EYA1: variants seen among roughly 807,000 people sequenced by gnomAD.
The protein encoded by EYA1 is protein phosphatase EYA1.
EYA1 carries 16 observed loss-of-function variants against 82.0 expected under a neutral mutation model. That is an observed-to-expected ratio of 0.20 (90% CI 0.13 to 0.30). The LOEUF (loss-of-function observed/expected upper bound fraction) is 0.30. EYA1 is among the 10% of genes least tolerant of loss of function. EYA1 has a pLI of 1.00. For missense variants in EYA1, 633 were observed against 730.7 expected, an observed-to-expected ratio of 0.87 and a Z score of 1.54; for synonymous variants, 261 against 264.4, an observed-to-expected ratio of 0.99 and a Z score of 0.12.
At position 71,216,849 on chromosome 8, in the gene EYA1, T is replaced by G. The variant is rs766164199; in HGVS notation, c.1203A>C (p.Thr401=). ...SSDDNGQDLS[T]YNFGTDGFPA... ...GAAAGCCATCTGTTCCAAAGTTATA[T>G]GTGCTATTTATATGCAAGAAAAGCC... Residue 401 remains threonine (T), a synonymous_variant, in exon 14 of 18, where the codon ACA becomes ACC. Transcript: ENST00000340726. The G allele has an allele frequency of 3.1e-6, 5 of 1,614,046 alleles. No individual in the cohort carries two copies. The Admixed American group carries it at 8.3e-5, about 27-fold the overall frequency.
rs891355243 is a variant in EYA1, at chr8:71,198,372, A to G, written c.*968T>C. 2.0e-5 allele frequency: 3 copies of G among 152,618 alleles called. No homozygotes were observed. The highest frequency in any genetic ancestry group is 4.4e-5 in the Non-Finnish European group (3 of 68,030). 9.5% of individuals were successfully genotyped at this position (152,618 alleles called of 1,614,324 possible). ...CCCTCAGAAGAACTGATGCAGGAAAAAATTTTAGAAAACAAAATCCTTACT... is the reference window on the plus strand; with the variant it reads ...CCCTCAGAAGAACTGATGCAGGAAAGAATTTTAGAAAACAAAATCCTTACT... On this transcript the variant is annotated 3_prime_UTR_variant, in exon 18 of 18. Coordinates refer to ENST00000340726, the MANE Select transcript of EYA1 (RefSeq NM_000503.6).
chr8:71,367,071 A>C (rs1254413586), upstream of EYA1, among the ~76,000 whole-genome samples: 1 of 152,200 alleles, frequency 6.6e-6, no homozygotes, highest in Non-Finnish European at 1.5e-5. Flanking sequence ...AAAATCCTTG[A>C]ACTTGAAGTG....
At chr8:71,444,528 C>A (rs1806699815) in intron 2 of EYA1, among the ~76,000 whole-genome samples, 1 of 152,112 alleles carries the variant, frequency 6.6e-6, no homozygotes, top group Non-Finnish European at 1.5e-5. Context: ...AGGATTTAGT[C>A]AACTAAGTCA....
At chr8:71,312,601 C>T (rs994846381) in intron 7 of EYA1, among the ~76,000 whole-genome samples, 5 of 152,156 alleles carry the variant, frequency 3.3e-5, no homozygotes, top group African/African-American at 1.2e-4. Flanking sequence ...TTACACCTGG[C>T]TAATTTTTGT....
intron 2 of EYA1, among the ~76,000 whole-genome samples, chr8:71,435,495 G>T (rs753290381): frequency 6.6e-6 from 1 of 151,652 alleles, no homozygotes; most frequent in Non-Finnish European, 1.5e-5. Context: ...GTTTGTCTTC[G>T]GGATAAAAAT....
chr8:71,375,521 A>C (rs1210264148), intron 2 of EYA1, among the ~76,000 whole-genome samples: 3 of 152,186 alleles, frequency 2.0e-5, no homozygotes, highest in Non-Finnish European at 4.4e-5. Flanking sequence ...AAAACATGAA[A>C]GATCAATAAA....
chr8:71,452,623 T>A (rs948680100), intron 2 of EYA1, among the ~76,000 whole-genome samples: 1 of 152,180 alleles, frequency 6.6e-6, no homozygotes, highest in Non-Finnish European at 1.5e-5. Flanking sequence ...ATATTCGCTG[T>A]TCTGCAGCCT....
At chr8:71,208,296 G>A (rs140448987) in intron 17 of EYA1, among the ~76,000 whole-genome samples, 1 of 152,094 alleles carries the variant, frequency 6.6e-6, no homozygotes, top group Non-Finnish European at 1.5e-5. Flanking sequence ...GCCAGGCATC[G>A]TGGCACATGC....
intron 2 of EYA1, among the ~76,000 whole-genome samples, chr8:71,392,262 C>T (rs1829320256): frequency 6.6e-6 from 1 of 152,150 alleles, no homozygotes; most frequent in Admixed American, 6.6e-5. Context: ...GACTTTACCC[C>T]CGCACCCTTT....
intron 2 of EYA1, among the ~76,000 whole-genome samples, chr8:71,507,214 G>A (rs929443976): frequency 1.3e-5 from 2 of 152,106 alleles, no homozygotes; most frequent in African/African-American, 4.8e-5. Context: ...GGACATTAGA[G>A]ACACCAAAAG....
intron 12 of EYA1, among the ~76,000 whole-genome samples, chr8:71,217,994 G>A (rs1331201321): frequency 6.6e-6 from 1 of 152,092 alleles, no homozygotes; most frequent in Non-Finnish European, 1.5e-5. Flanking sequence ...ATATTAATTT[G>A]GAGGCAGACA....
chr8:71,438,243 C>G (rs923319155), intron 2 of EYA1, among the ~76,000 whole-genome samples: 1 of 151,994 alleles, frequency 6.6e-6, no homozygotes, highest in African/African-American at 2.4e-5. Context: ...TGCAATTACT[C>G]TGGTGTGCTA....
At chr8:71,233,002 T>C (rs1053390171) in intron 12 of EYA1, among the ~76,000 whole-genome samples, 35 of 152,290 alleles carry the variant, frequency 2.3e-4, no homozygotes, top group African/African-American at 5.5e-4. Flanking sequence ...AGATGGGAAA[T>C]TGAGGCATAA....
intron 2 of EYA1, among the ~76,000 whole-genome samples, chr8:71,433,667 G>C (rs1334040657): frequency 1.3e-5 from 2 of 152,210 alleles, no homozygotes; most frequent in African/African-American, 4.8e-5. Flanking sequence ...TAAAGGTCCT[G>C]AGTACGGGTG....
At chr8:71,208,014 A>C (rs575774610) in intron 17 of EYA1, among the ~76,000 whole-genome samples, 1 of 152,310 alleles carries the variant, frequency 6.6e-6, no homozygotes, top group South Asian at 2.1e-4. Flanking sequence ...ATTAGTATTA[A>C]AACTTTATAA....
intron 2 of EYA1, among the ~76,000 whole-genome samples, chr8:71,477,376 T>C (rs1254653292): frequency 1.3e-5 from 2 of 152,098 alleles, no homozygotes; most frequent in African/African-American, 4.8e-5. Context: ...GCTATAAAAA[T>C]ACAAATAATT....
At chr8:71,376,964 CAT>C (rs1828410925) in intron 2 of EYA1, among the ~76,000 whole-genome samples, 1 of 152,234 alleles carries the variant, frequency 6.6e-6, no homozygotes, top group East Asian at 1.9e-4. Context: ...TATATGCTCA[CAT>C]GTCTCCGTAC....
chr8:71,422,208 TG>T (rs1348336463), intron 2 of EYA1, among the ~76,000 whole-genome samples: 1 of 152,210 alleles, frequency 6.6e-6, no homozygotes, highest in Non-Finnish European at 1.5e-5. Context: ...TATTTTGTCT[TG>T]TTTTGTTATA....
chr8:71,533,271 C>T (rs888343949), intron 2 of EYA1, among the ~76,000 whole-genome samples: 1 of 152,154 alleles, frequency 6.6e-6, no homozygotes, highest in African/African-American at 2.4e-5. Context: ...AATCCATATA[C>T]ATTTTATCTT....
Sources: allele counts gnomAD v4.1 joint callset (sites outside exome capture counted in the v4.1 genomes callset), GRCh38; gene constraint gnomAD v4.1.1; transcripts MANE v1.5; gene names NCBI Gene and HGNC (gene_info 2026-07-23, HGNC 2026-07-21).